Variants in KIF20B observed in about 807,000 individuals in gnomAD.
KIF20B encodes kinesin-like protein KIF20B.
KIF20B carries 188 observed loss-of-function variants against 232.5 expected under a neutral mutation model. The observed-to-expected ratio is 0.81, with a 90% CI of 0.72 to 0.91. The LOEUF is 0.91. KIF20B is among the 40% of genes least tolerant of loss of function. The pLI, the probability that KIF20B is intolerant of heterozygous loss-of-function variation, is 0.00. For missense variants in KIF20B, 2,154 were observed against 2,055.9 expected (o/e 1.05, Z -0.92); for synonymous variants, 712 against 683.0 (o/e 1.04, Z -0.66).
At chr10:89,771,688 T>C (rs1318541230) in intron 31 of KIF20B, among the ~76,000 whole-genome samples, 1 of 152,000 alleles carries the variant, frequency 6.6e-6, no homozygotes, top group African/African-American at 2.4e-5. Context: ...TTTTCTCCAC[T>C]GTAACTCGGT....
chr10:89,768,369 C>T lies in KIF20B; in HGVS notation c.5069C>T (p.Ser1690Phe). Residue 1690 changes from serine to phenylalanine, a missense_variant, in exon 30 of 33, where the codon TCT (serine) becomes TTT (phenylalanine). By Grantham distance (155) the Ser-to-Phe change is radical. Transcript: ENST00000371728. The part of the protein sequence containing the change: ...LKFPISDDRN[S>F]SVKKEQKVAI... ...TTTCCTATTTCAGATGATAGAAATT[C>T]TTCTGTCAAAAAGGAACAAAAGGTG... is the stretch of plus-strand genomic sequence containing the variant. 1.3e-6 allele frequency: 2 copies of T among 1,581,416 alleles called. No homozygotes were observed. The highest frequency in any genetic ancestry group is 2.3e-5 in the East Asian group (1 of 44,258).
At chr10:89,704,587 C>G (rs1233257608) in intron 1 of KIF20B, among the ~76,000 whole-genome samples, 1 of 150,902 alleles carries the variant, frequency 6.6e-6, no homozygotes, top group Non-Finnish European at 1.5e-5. Context: ...GACGGAATCT[C>G]ACTCTGTCAC....
In KIF20B at chr10:89,738,175, G is replaced by T; in HGVS notation, c.3334G>T (p.Asp1112Tyr). The change falls in exon 20 of 33, where the codon GAC (aspartate) becomes TAC (tyrosine). Residue 1112 changes from aspartate to tyrosine, a missense_variant. Coordinates refer to ENST00000371728, the MANE Select transcript of KIF20B (RefSeq NM_001284259.2). ...LKEKEHKNQD[D>Y]LLKEKETLIQ... ...GGAGAAGGAGCATAAAAACCAAGAT[G>T]ACCTACTAAAAGAAAAAGAAACTCT... 6.2e-7 allele frequency: 1 copy of T among 1,607,482 alleles called. No homozygotes were observed. The highest frequency in any genetic ancestry group is 1.1e-5 in the South Asian group (1 of 90,172).
chr10:89,739,269 C>CT (rs1283330162), intron 21 of KIF20B, among the ~76,000 whole-genome samples, 173 bp downstream of exon 21: 2 of 152,038 alleles, frequency 1.3e-5, no homozygotes, highest in Non-Finnish European at 2.9e-5. Flanking sequence ...TTTAAACAAG[C>CT]TGAAGAATGT....
Position 89,705,405 on chromosome 10 carries a change from G to C in KIF20B, c.111G>C (p.Leu37=), listed in dbSNP as rs1485320130. The C allele has an allele frequency of 6.2e-7, 1 of 1,614,018 alleles. No individual in the cohort carries two copies. Among genetic ancestry groups the C allele is most frequent in the Non-Finnish European group, 8.5e-7 (1 of 1,179,956 alleles). ...ATTTCGATGGCATTAAGCTTGATCT[G>C]TCTCATGAATTTTCCTTAGTTGCTC... ...EINFDGIKLD[L]SHEFSLVAPN... is the part of the protein sequence containing the mutation. Residue 37 remains leucine (L), a synonymous_variant, in exon 2 of 33, where the codon CTG becomes CTC. Transcript: ENST00000371728.
intron 9 of KIF20B, among the ~76,000 whole-genome samples, 174 bp from the exon 10 acceptor site, chr10:89,717,250 G>A (rs1041126224): frequency 2.0e-5 from 3 of 152,190 alleles, no homozygotes; most frequent in African/African-American, 7.2e-5. Context: ...AGGCATTTGG[G>A]TATGTAAGTG....
chr10:89,769,634 T>A (rs1431601834), intron 31 of KIF20B, among the ~76,000 whole-genome samples: 1 of 151,942 alleles, frequency 6.6e-6, no homozygotes, highest in Admixed American at 6.6e-5. Flanking sequence ...TTTTTCTTGA[T>A]AATATAATGT....
intron 18 of KIF20B, 143 bp from the exon 19 acceptor site, chr10:89,732,760 G>A (rs987315845): frequency 1.6e-6 from 1 of 641,422 alleles, no homozygotes; most frequent in Non-Finnish European, 2.3e-6. Flanking sequence ...ATTTTAGGAC[G>A]AAACTTAAGA....
chr10:89,745,792 A>G, intron 22 of KIF20B, 107 bp from the exon 23 acceptor site: 1 of 713,724 alleles, frequency 1.4e-6, no homozygotes, highest in Admixed American at 2.1e-5. Flanking sequence ...CCAGCTATAT[A>G]GGAGACTGAT....
chr10:89,745,763 A>T, intron 22 of KIF20B, 136 bp from the exon 23 acceptor site: 5 of 616,116 alleles, frequency 8.1e-6, no homozygotes, highest in Non-Finnish European at 1.2e-5. Context: ...GAAGCTTGAG[A>T]CTGGTACCAG....
chr10:89,726,606 A>G (rs1843192954), intron 16 of KIF20B, 85 bp downstream of exon 16: 2 of 1,189,732 alleles, frequency 1.7e-6, no homozygotes, highest in African/African-American at 1.6e-5. Flanking sequence ...TATGTAGCTC[A>G]TTTACCGTAG....
chr10:89,770,769 A>G (rs1842446356), intron 31 of KIF20B, among the ~76,000 whole-genome samples: 1 of 152,012 alleles, frequency 6.6e-6, no homozygotes, highest in African/African-American at 2.4e-5. Flanking sequence ...TGCTCTGATA[A>G]CCACTGTTAA....
At position 89,755,398 on chromosome 10, in the gene KIF20B, C is replaced by T. The variant is rs1250161738; in HGVS notation, c.4503+725C>T. Among the ~76,000 whole-genome samples, 37 of 143,918 alleles carry T rather than the reference C, an allele frequency of 2.6e-4. 1 individual carries two copies. Among genetic ancestry groups the T allele is most frequent in the Admixed American group, 2.4e-3 (35 of 14,384 alleles). 94.4% of individuals were successfully genotyped at this position (143,918 alleles called of 152,430 possible). ...TCTTTCCTTCCTTCCTTCCTTGCTC[C>T]CTCCCTCCCTCCTTTCCTTCCCTCC... On this transcript the variant is annotated intron_variant, in intron 26 of 32. Transcript: ENST00000371728.
intron 26 of KIF20B, 42 bp from the exon 27 acceptor site, chr10:89,758,664 A>G (rs750740664): frequency 3.0e-6 from 4 of 1,353,630 alleles, no homozygotes; most frequent in African/African-American, 3.0e-5. Context: ...GATTCATAAT[A>G]TATCAAGGTT....
intron 29 of KIF20B, among the ~76,000 whole-genome samples, chr10:89,763,267 C>T (rs77714965): frequency 0.027 from 4,092 of 152,084 alleles, 361 homozygotes; most frequent in East Asian, 0.27. Context: ...GGTGATAGAG[C>T]GAGACTGTCT....
intron 11 of KIF20B, among the ~76,000 whole-genome samples, chr10:89,718,061 CATTA>C (rs1842971212): frequency 6.6e-6 from 1 of 152,178 alleles, no homozygotes; most frequent in Non-Finnish European, 1.5e-5. Flanking sequence ...TAGATTTTTA[CATTA>C]ATTAGCATTT....
Position 89,754,681 on chromosome 10 carries a change from A to G in KIF20B, c.4503+8A>G, listed in dbSNP as rs1842085749. 6 of 1,517,532 alleles carry G rather than the reference A, an allele frequency of 4.0e-6. No individual in the cohort carries two copies. Among genetic ancestry groups the G allele is most frequent in the Non-Finnish European group, 5.3e-6 (6 of 1,132,422 alleles). 94.0% of individuals were successfully genotyped at this position (1,517,532 alleles called of 1,614,324 possible). A position where few individuals can be genotyped will look rare whatever the true frequency, so the allele number is the denominator to read the frequency against. On this transcript the variant is annotated splice_region_variant and intron_variant, in intron 26 of 32. Transcript: ENST00000371728. ...AAGCAACAGAATGAAATGGTTAGTA[A>G]CAATTGTATCTTTGATGTATTTCAC... is the stretch of plus-strand genomic sequence containing the variant.
At chr10:89,740,900 C>T (rs1382210729) in intron 21 of KIF20B, among the ~76,000 whole-genome samples, 1 of 152,184 alleles carries the variant, frequency 6.6e-6, no homozygotes, top group South Asian at 2.1e-4. Context: ...GTATAGATAG[C>T]AGTCCCCAGC....
At chr10:89,732,020 C>G (rs1261216859) in intron 18 of KIF20B, among the ~76,000 whole-genome samples, 1 of 152,178 alleles carries the variant, frequency 6.6e-6, no homozygotes, top group Non-Finnish European at 1.5e-5. Context: ...CTTCACCATA[C>G]ATTTGATTAC....
Sources: gnomAD v4.1 joint callset for allele counts (sites outside exome capture counted in the v4.1 genomes callset) on GRCh38, gnomAD v4.1.1 for gene constraint, MANE v1.5 for transcripts, NCBI Gene and HGNC (gene_info 2026-07-23, HGNC 2026-07-21) for gene names.